The following KDM5B variants were observed in gnomAD, a reference collection of about 807,000 sequenced individuals.
KDM5B encodes lysine demethylase 5B, also known as lysine-specific demethylase 5B.
A neutral mutation model predicts 193.4 loss-of-function variants in KDM5B; 144 were observed. That is an observed-to-expected ratio of 0.74 (90% CI 0.65 to 0.86). The LOEUF (loss-of-function observed/expected upper bound fraction) is 0.86. Among genes scored for constraint, KDM5B ranks in the 40% least tolerant of loss-of-function variants. KDM5B has a pLI of 0.00. For missense variants in KDM5B, 1,833 were observed against 1,886.9 expected, an observed-to-expected ratio of 0.97 and a Z score of 0.53; for synonymous variants, 668 against 682.6, an observed-to-expected ratio of 0.98 and a Z score of 0.33.
rs10920464 is a variant in KDM5B at position 202,728,419 on chromosome 1, C to G, written c.*617G>C. The G allele has an allele frequency of 0.042, 6,457 of 152,870 alleles. 349 individuals are homozygous for G. The highest frequency in any genetic ancestry group is 0.25 in the East Asian group (1,272 of 5,182). The allele number at this position is 152,870 out of a possible 1,614,324, so 9.5% of individuals were successfully genotyped here. A position where few individuals can be genotyped will look rare whatever the true frequency, so the allele number is the denominator to read the frequency against. ...AATCAATCGCTAAAGCACCAACACA[C>G]TGTTTGGAAGTTTGTTTTGTTTTGT... On this transcript the variant is annotated 3_prime_UTR_variant, in exon 27 of 27. Coordinates refer to ENST00000367265, the MANE Select transcript of KDM5B (RefSeq NM_006618.5).
intron 11 of KDM5B, 119 bp from the exon 12 acceptor site, chr1:202,753,186 T>A: frequency 1.2e-6 from 1 of 807,140 alleles, no homozygotes; most frequent in Non-Finnish European, 1.9e-6. Flanking sequence ...ATCCACAAAC[T>A]GACGAAATAT....
chr1:202,796,134 G>C (rs1657835678), intron 1 of KDM5B: 1 of 205,806 alleles, frequency 4.9e-6, no homozygotes, highest in Non-Finnish European at 1.0e-5. Context: ...TGGACATGGT[G>C]GAAGGTCCAT....
intron 1 of KDM5B, chr1:202,796,250 A>G: frequency 2.5e-6 from 1 of 402,858 alleles, no homozygotes; most frequent in Non-Finnish European, 5.0e-6. Flanking sequence ...CTGTACTACA[A>G]TGGTGTCCTG....
chr1:202,739,496 T>G (rs937486294), intron 20 of KDM5B, among the ~76,000 whole-genome samples: 2 of 152,034 alleles, frequency 1.3e-5, no homozygotes, highest in African/African-American at 4.8e-5. Context: ...TATTTTTTAT[T>G]GATCATTCTT....
chr1:202,776,201 C>T (rs1656948058), intron 2 of KDM5B: 1 of 151,916 alleles, frequency 6.6e-6, no homozygotes, highest in Admixed American at 6.6e-5. Context: ...CTGCACTCCA[C>T]CCTGGGTGAC....
At position 202,764,175 on chromosome 1, in the gene KDM5B, T is replaced by C. The variant is rs757150120; in HGVS notation, c.712-30A>G. ...AAAAAATTGTCATATACATGAATAT[T>C]TCCTTTAAGAAGAAATAATCTTTAA... On this transcript the variant is annotated intron_variant, in intron 5 of 26. Transcript: ENST00000367265. 5 of 1,138,466 alleles carry C rather than the reference T, an allele frequency of 4.4e-6. No homozygotes were observed. The Admixed American group carries it at 1.2e-4, about 28-fold the overall frequency. 70.5% of individuals were successfully genotyped at this position (1,138,466 alleles called of 1,614,324 possible).
rs1347414928 is a variant in KDM5B, at chr1:202,756,474, C to T, written c.1240G>A (p.Val414Ile). Reference sequence around the variant, plus strand: ...GTGACATCCTCCTCAATAGTGCTTACTAGTCTCCAAAATTCTTTCTCAACA... The same window carrying T: ...GTGACATCCTCCTCAATAGTGCTTATTAGTCTCCAAAATTCTTTCTCAACA... ...ELVEKEFWRL[V>I]STIEEDVTVE... is the part of the protein sequence containing the mutation. Residue 414 changes from valine to isoleucine, a missense_variant, in exon 10 of 27, where the codon GTA becomes ATA. Coordinates refer to ENST00000367265, the MANE Select transcript of KDM5B (RefSeq NM_006618.5). 2 of 1,610,688 alleles carry T rather than the reference C, an allele frequency of 1.2e-6. No homozygotes were observed. The highest frequency in any genetic ancestry group is 1.3e-5 in the African/African-American group (1 of 74,820).
At chr1:202,759,768 C>A (rs1656167919) in intron 8 of KDM5B, among the ~76,000 whole-genome samples, 1 of 152,116 alleles carries the variant, frequency 6.6e-6, no homozygotes, top group African/African-American at 2.4e-5. Context: ...AAGACATTAA[C>A]AGTGGTTATA....
rs138138879 is a variant in KDM5B at position 202,767,330 on chromosome 1, C to T, written c.577-270G>A. ...GCTAGTAACGACCACTTGTTTTCCACTGAAAATGGCAAATTCTTCCCAGGG... is the reference window on the plus strand; with the variant it reads ...GCTAGTAACGACCACTTGTTTTCCATTGAAAATGGCAAATTCTTCCCAGGG... On this transcript the variant is annotated intron_variant, in intron 4 of 26. Coordinates refer to ENST00000367265, the MANE Select transcript of KDM5B (RefSeq NM_006618.5). 1.4e-3 allele frequency: 2,235 copies of T among 1,608,538 alleles called. 26 individuals carry two copies. The African/African-American group carries it at 0.026, about 19-fold the overall frequency.
chr1:202,761,355 G>C (rs1656243474), intron 7 of KDM5B, among the ~76,000 whole-genome samples: 1 of 152,084 alleles, frequency 6.6e-6, no homozygotes, highest in Non-Finnish European at 1.5e-5. Context: ...TGGGGCAAAA[G>C]GATCCCTTGA....
chr1:202,791,379 C>G (rs557260419), intron 1 of KDM5B, among the ~76,000 whole-genome samples: 1 of 152,266 alleles, frequency 6.6e-6, no homozygotes, highest in Non-Finnish European at 1.5e-5. Flanking sequence ...GAAATATCAC[C>G]ATTAAGCCAC....
intron 26 of KDM5B, chr1:202,729,419 C>A: frequency 1.7e-6 from 1 of 599,078 alleles, no homozygotes; most frequent in South Asian, 2.1e-5. Context: ...GATAAGTAAG[C>A]CAAAGGGCAT....
intron 14 of KDM5B, chr1:202,746,544 C>G: frequency 2.3e-6 from 1 of 435,980 alleles, no homozygotes; most frequent in Non-Finnish European, 4.0e-6. Context: ...AAGGCAGGTC[C>G]TTATGTTTGG....
intron 11 of KDM5B, among the ~76,000 whole-genome samples, chr1:202,754,858 T>C (rs1655945372): frequency 1.3e-5 from 2 of 152,190 alleles, no homozygotes; most frequent in African/African-American, 4.8e-5. Flanking sequence ...CTAATTTTCA[T>C]ATTTTTAGTA....
At chr1:202,776,993 A>T (rs759912153) in intron 2 of KDM5B, 24 bp downstream of exon 2, 1 of 1,517,068 alleles carries the variant, frequency 6.6e-7, no homozygotes, top group Admixed American at 1.7e-5. Flanking sequence ...ATACAGGCAA[A>T]CAGAACAATA....
At position 202,762,161 on chromosome 1, in the gene KDM5B, GTCC is replaced by G. The variant is rs1299198455; in HGVS notation, c.918+535_918+537del. 2.6e-5 allele frequency among the ~76,000 whole-genome samples: 4 copies of G among 152,176 alleles called. 1 individual carries two copies. The highest frequency in any genetic ancestry group is 2.0e-4 in the Admixed American group (3 of 15,272). On this transcript the variant is annotated intron_variant, in intron 7 of 26. Transcript: ENST00000367265. ...GCTCCCAGCCCTCTAACTCTGCCAT[GTCC>G]TCTTCCCTATTCCTAACTGCTTTCC...
intron 4 of KDM5B, among the ~76,000 whole-genome samples, chr1:202,771,332 A>T (rs1656707068): frequency 6.6e-6 from 1 of 151,408 alleles, no homozygotes; most frequent in South Asian, 2.1e-4. Flanking sequence ...CCCGGGTTCA[A>T]GCAATTCTCC....
intron 6 of KDM5B, among the ~76,000 whole-genome samples, chr1:202,763,023 G>T (rs954282242): frequency 7.2e-5 from 11 of 152,182 alleles, no homozygotes; most frequent in Non-Finnish European, 1.3e-4. Context: ...TCAAGATGTA[G>T]ATTACTTCTG....
At chr1:202,753,294 A>C (rs1468663638) in intron 11 of KDM5B, among the ~76,000 whole-genome samples, 1 of 151,942 alleles carries the variant, frequency 6.6e-6, no homozygotes, top group Non-Finnish European at 1.5e-5. Context: ...TCAGGAGTTC[A>C]AGACCAGCCT....
Sources: allele counts gnomAD v4.1 joint callset (sites outside exome capture counted in the v4.1 genomes callset), GRCh38; gene constraint gnomAD v4.1.1; transcripts MANE v1.5; gene names NCBI Gene and HGNC (gene_info 2026-07-23, HGNC 2026-07-21).